The following PAH variants were observed in gnomAD, a reference collection of about 807,000 sequenced individuals.
PAH encodes the protein phenylalanine-4-hydroxylase.
PAH carries 64 observed loss-of-function variants against 62.0 expected under a neutral mutation model. The ratio of observed to expected loss-of-function variants is 1.03; its 90% CI spans 0.84 to 1.27. PAH has a LOEUF of 1.27. Ranked by LOEUF, PAH falls within the 50% of genes most tolerant of loss-of-function variation. The probability of loss-of-function intolerance (pLI) is 0.00; values close to 1 mark genes in which losing one functional copy is unlikely to be tolerated. For synonymous variants in PAH, 195 were observed against 196.2 expected, an observed-to-expected ratio of 0.99 and a Z score of 0.05; for missense variants, 579 against 542.8, an observed-to-expected ratio of 1.07 and a Z score of -0.66.
At chr12:102,920,251 CT>C (rs1470225045), upstream of PAH, among the ~76,000 whole-genome samples, 1 of 152,162 alleles carries the variant, frequency 6.6e-6, no homozygotes, top group Non-Finnish European at 1.5e-5. Context: ...TTTAAGCCAC[CT>C]TTTTGTTCAA....
intron 3 of PAH, among the ~76,000 whole-genome samples, chr12:102,893,387 C>T (rs750703784): frequency 2.0e-5 from 3 of 151,038 alleles, no homozygotes; most frequent in Non-Finnish European, 2.9e-5. Context: ...GCAACAAGAA[C>T]GAAATTCTGT....
Position 102,890,218 on chromosome 12 carries a change from G to T in PAH, c.352+4517C>A, listed in dbSNP as rs566709653. 4.6e-5 allele frequency among the ~76,000 whole-genome samples: 7 copies of T among 152,176 alleles called. No homozygotes were observed. In the East Asian group the frequency reaches 1.4e-3, roughly 29 times the overall value. On this transcript the variant is annotated intron_variant, in intron 3 of 12. Transcript: ENST00000553106. Reference sequence around the variant, plus strand: ...TAGTTTAGCTTAATTGATTTGAGGGGTTCAGATCTCCTACTTGAACCTGCT... The same window carrying T: ...TAGTTTAGCTTAATTGATTTGAGGGTTTCAGATCTCCTACTTGAACCTGCT...
At chr12:102,956,958 C>T (rs986729342) in intron 1 of PAH, among the ~76,000 whole-genome samples, 2 of 152,160 alleles carry the variant, frequency 1.3e-5, no homozygotes, top group African/African-American at 4.8e-5. Flanking sequence ...AGAGAGGATG[C>T]CACTTCGAGG....
chr12:102,868,174 GTGTATA>G (rs1565855150), intron 4 of PAH, among the ~76,000 whole-genome samples: 1,155 of 6,466 alleles, frequency 0.18, 361 homozygotes, highest in African/African-American at 0.36. Context: ...ATACATATAT[GTGTATA>G]TATATATATA....
rs1240250919 is a variant in PAH at position 102,917,166 on chromosome 12, G to C, written c.-36C>G. On this transcript the variant is annotated 5_prime_UTR_variant, in exon 1 of 13. Coordinates refer to ENST00000553106, the MANE Select transcript of PAH (RefSeq NM_000277.3). ...CGGGAGTGAGGTCTCTGGCTTTTTA[G>C]GGCCTCAGGTACAGGCAGGTTTGCA... is the stretch of plus-strand genomic sequence containing the variant. The C allele has an allele frequency of 6.2e-7, 1 of 1,604,902 alleles. No individual in the cohort carries two copies. The highest frequency in any genetic ancestry group is 2.2e-5 in the East Asian group (1 of 44,802).
intron 4 of PAH, among the ~76,000 whole-genome samples, chr12:102,867,041 T>C (rs3817446): frequency 0.2 from 30,508 of 152,246 alleles, 4,455 homozygotes; most frequent in East Asian, 0.75. Context: ...TGTCTAGCTC[T>C]ACCTTTTAAT....
At chr12:102,913,353 T>C (rs929647089) in intron 1 of PAH, among the ~76,000 whole-genome samples, 1 of 152,138 alleles carries the variant, frequency 6.6e-6, no homozygotes, top group Non-Finnish European at 1.5e-5. Flanking sequence ...CAGAAAGACA[T>C]TGAGAAATAC....
intron 3 of PAH, among the ~76,000 whole-genome samples, chr12:102,882,995 G>A (rs1442023736): frequency 6.6e-6 from 1 of 152,090 alleles, no homozygotes; most frequent in Non-Finnish European, 1.5e-5. Context: ...GAGGAGGAGG[G>A]AGGAGGAAAG....
chr12:102,841,615 A>G (rs1874599860), intron 11 of PAH, among the ~76,000 whole-genome samples: 1 of 152,194 alleles, frequency 6.6e-6, no homozygotes, highest in African/African-American at 2.4e-5. Context: ...GTTAGTTGCT[A>G]TCTTTCATGA....
At chr12:102,948,162 C>A (rs1349700952) in intron 1 of PAH, among the ~76,000 whole-genome samples, 1 of 152,156 alleles carries the variant, frequency 6.6e-6, no homozygotes, top group Non-Finnish European at 1.5e-5. Context: ...AGTGTATCAG[C>A]CTTTTTTTTA....
At chr12:102,914,543 C>T (rs1280204955) in intron 1 of PAH, 1 of 152,282 alleles carries the variant, frequency 6.6e-6, no homozygotes, top group Admixed American at 6.5e-5. Flanking sequence ...CTCTTGCAGC[C>T]TCTATTCCTC....
intron 5 of PAH, among the ~76,000 whole-genome samples, chr12:102,856,303 T>C (rs1332576398): frequency 6.6e-6 from 1 of 152,148 alleles, no homozygotes; most frequent in Non-Finnish European, 1.5e-5. Context: ...ATGCAAACTA[T>C]AGTTTAAAAG....
At chr12:102,938,826 T>A (rs1879191494) in intron 1 of PAH, among the ~76,000 whole-genome samples, 1 of 152,104 alleles carries the variant, frequency 6.6e-6, no homozygotes, top group Non-Finnish European at 1.5e-5. Flanking sequence ...TTGACACTGG[T>A]CCTTGCCCCT....
chr12:102,858,805 C>G (rs1875568413), intron 5 of PAH, among the ~76,000 whole-genome samples: 1 of 152,198 alleles, frequency 6.6e-6, no homozygotes, highest in Admixed American at 6.5e-5. Flanking sequence ...ACCAGAATCT[C>G]TGGGACACAT....
chr12:102,925,670 G>A (rs1878664627), intron 1 of PAH, among the ~76,000 whole-genome samples: 1 of 152,068 alleles, frequency 6.6e-6, no homozygotes, highest in Admixed American at 6.6e-5. Context: ...TGTTTCAATG[G>A]CATCCTTCGT....
chr12:102,930,535 T>G (rs1436354695), intron 1 of PAH, among the ~76,000 whole-genome samples: 5 of 152,192 alleles, frequency 3.3e-5, no homozygotes. Context: ...AATTCATTTG[T>G]GTATAGTTAG....
chr12:102,840,256 A>G (rs899412041), intron 12 of PAH, 144 bp downstream of exon 12: 8 of 653,360 alleles, frequency 1.2e-5, no homozygotes, highest in Admixed American at 2.3e-5. Context: ...TTCTCCATCA[A>G]TGAACCCATG....
intron 2 of PAH, among the ~76,000 whole-genome samples, chr12:102,896,685 T>C (rs1292007972): frequency 6.6e-6 from 1 of 152,144 alleles, no homozygotes; most frequent in Non-Finnish European, 1.5e-5. Context: ...AGTTTGTGGG[T>C]AGGAAAATGG....
upstream of PAH, chr12:102,917,532 G>A: frequency 3.3e-6 from 1 of 307,182 alleles, no homozygotes; most frequent in East Asian, 8.1e-5. Flanking sequence ...CGAGTTCTCT[G>A]CAATTGGACT....
Sources: allele counts gnomAD v4.1 joint callset (sites outside exome capture counted in the v4.1 genomes callset), GRCh38; gene constraint gnomAD v4.1.1; transcripts MANE v1.5; gene names NCBI Gene and HGNC (gene_info 2026-07-23, HGNC 2026-07-21).